Variants in MAPK10 observed in about 807,000 individuals in gnomAD.
MAPK10 encodes mitogen-activated protein kinase 10.
A neutral mutation model predicts 59.3 loss-of-function variants in MAPK10; 25 were observed. The ratio of observed to expected loss-of-function variants is 0.42; its 90% CI spans 0.31 to 0.59. The LOEUF (loss-of-function observed/expected upper bound fraction) is 0.59, where lower values mean the gene tolerates loss of function less well. Among genes scored for constraint, MAPK10 ranks in the 20% least tolerant of loss-of-function variants. MAPK10 has a pLI of 0.15. For missense variants in MAPK10, 351 were observed against 568.9 expected (o/e 0.62, Z 3.90); for synonymous variants, 190 against 200.5 (o/e 0.95, Z 0.44).
chr4:86,095,289 C>G (rs1001174824), intron 9 of MAPK10: 1 of 151,608 alleles, frequency 6.6e-6, no homozygotes, highest in East Asian at 1.9e-4. Flanking sequence ...AGTAGTTAAA[C>G]TTCAGTCATC....
intron 1 of MAPK10, among the ~76,000 whole-genome samples, chr4:86,581,196 G>A (rs905676889): frequency 6.6e-6 from 1 of 151,808 alleles, no homozygotes; most frequent in African/African-American, 2.4e-5. Context: ...GACAATCAGA[G>A]GGTTTTGCAC....
chr4:86,274,346 A>G (rs1213313629), intron 2 of MAPK10, among the ~76,000 whole-genome samples: 1 of 152,046 alleles, frequency 6.6e-6, no homozygotes, highest in Non-Finnish European at 1.5e-5. Context: ...TCAAAGTGAT[A>G]TAGACAAAGA....
intron 3 of MAPK10, among the ~76,000 whole-genome samples, chr4:86,181,408 GA>G (rs1353360193): frequency 4.6e-5 from 7 of 151,972 alleles, no homozygotes; most frequent in African/African-American, 1.7e-4. Context: ...TCAAAATCAG[GA>G]AATAATTTAA....
chr4:86,126,408 G>A (rs2060090129), intron 4 of MAPK10, among the ~76,000 whole-genome samples: 1 of 151,896 alleles, frequency 6.6e-6, no homozygotes, highest in African/African-American at 2.4e-5. Flanking sequence ...CCTCAAAGTT[G>A]TGCTACTTAA....
At chr4:86,223,512 C>T (rs1335860658) in intron 2 of MAPK10, among the ~76,000 whole-genome samples, 1 of 152,176 alleles carries the variant, frequency 6.6e-6, no homozygotes, top group African/African-American at 2.4e-5. Context: ...CTCCACATAC[C>T]CACTTGCACA....
intron 2 of MAPK10, among the ~76,000 whole-genome samples, chr4:86,231,393 T>C (rs7657056): frequency 0.33 from 49,501 of 152,014 alleles, 10,872 homozygotes; most frequent in African/African-American, 0.63. Context: ...CGGTGGCTCA[T>C]GCCTGTAATC....
intron 1 of MAPK10, among the ~76,000 whole-genome samples, chr4:86,584,499 A>C (rs778644085): frequency 1.3e-5 from 2 of 152,172 alleles, no homozygotes; most frequent in Non-Finnish European, 2.9e-5. Flanking sequence ...GCTGGAGTGC[A>C]GTGGCACCAT....
intron 2 of MAPK10, among the ~76,000 whole-genome samples, chr4:86,324,639 C>A (rs7349681): frequency 6.6e-6 from 1 of 151,918 alleles, no homozygotes; most frequent in Non-Finnish European, 1.5e-5. Flanking sequence ...TAAATTATTA[C>A]GTTAAAAAGA....
chr4:86,098,716 A>G lies in MAPK10; in HGVS notation c.731-121T>C. On this transcript the variant is annotated intron_variant, in intron 8 of 13. Transcript: ENST00000641462. ...ATTAAAAGTACAATTTTCACCTCCC[A>G]CCAAAAGTTGGCCAAAATGTGAATT... The G allele has an allele frequency of 4.8e-6, 4 of 840,578 alleles. No homozygotes were observed. In the South Asian group the frequency reaches 6.4e-5, roughly 13 times the overall value. The allele number at this position is 840,578 out of a possible 1,614,324, so 52.1% of individuals were successfully genotyped here.
rs372346730 is a variant in MAPK10 at position 86,023,327 on chromosome 4, A to C, written c.1252+5870T>G. Among the ~76,000 whole-genome samples, 9 of 152,274 alleles carry C rather than the reference A, an allele frequency of 5.9e-5. No individual in the cohort carries two copies. The East Asian group carries it at 1.7e-3, about 29-fold the overall frequency. On this transcript the variant is annotated intron_variant, in intron 13 of 13. Transcript: ENST00000641462. The stretch of plus-strand genomic sequence containing the variant: ...TTCATGCAAATAGCACTCTGTCTTG[A>C]ATATTGTAGCTTTGTAGTAAGTTTT...
chr4:86,374,308 T>C (rs1001936006), intron 1 of MAPK10, among the ~76,000 whole-genome samples: 1 of 152,134 alleles, frequency 6.6e-6, no homozygotes, highest in Non-Finnish European at 1.5e-5. Flanking sequence ...CTAATGTAGA[T>C]GATGGGTTGA....
intron 1 of MAPK10, among the ~76,000 whole-genome samples, chr4:86,486,030 T>C (rs1256414639): frequency 1.3e-5 from 2 of 152,184 alleles, no homozygotes; most frequent in East Asian, 1.9e-4. Flanking sequence ...CCAACTAATA[T>C]GGTAGGCCAT....
rs2048448874 is a variant in MAPK10 at position 86,073,305 on chromosome 4, T to G, written c.803-5350A>C. On this transcript the variant is annotated intron_variant, in intron 9 of 13. Coordinates refer to ENST00000641462, the MANE Select transcript of MAPK10 (RefSeq NM_138982.4). ...CTCTTTTTTTCTTTATTAGTCTTGC[T>G]AGCGGTCTATCAATTTTGTTGATCC... 2.0e-5 allele frequency among the ~76,000 whole-genome samples: 3 copies of G among 151,460 alleles called. No homozygotes were observed. The South Asian group carries it at 6.3e-4, about 32-fold the overall frequency.
intron 1 of MAPK10, among the ~76,000 whole-genome samples, chr4:86,545,393 G>A (rs1472101762): frequency 6.6e-6 from 1 of 152,176 alleles, no homozygotes; most frequent in Non-Finnish European, 1.5e-5. Context: ...TAGTGAGGAT[G>A]GGGGAAGCCT....
intron 2 of MAPK10, among the ~76,000 whole-genome samples, chr4:86,201,112 C>T (rs2082520503): frequency 6.6e-6 from 1 of 151,808 alleles, no homozygotes; most frequent in South Asian, 2.1e-4. Context: ...TCTTTTCATG[C>T]TTGGCTTATT....
chr4:86,182,898 C>T (rs1304936925), intron 3 of MAPK10, among the ~76,000 whole-genome samples: 2 of 151,990 alleles, frequency 1.3e-5, no homozygotes, highest in Non-Finnish European at 2.9e-5. Flanking sequence ...TAAGAAAGTT[C>T]ATGCTTCACT....
intron 2 of MAPK10, among the ~76,000 whole-genome samples, chr4:86,340,024 C>T (rs943182113): frequency 2.6e-5 from 4 of 152,118 alleles, no homozygotes; most frequent in African/African-American, 9.7e-5. Context: ...TAAAGCCTAC[C>T]AATCTACTCC....
At chr4:86,385,891 T>C (rs1427537984) in intron 1 of MAPK10, among the ~76,000 whole-genome samples, 3 of 152,192 alleles carry the variant, frequency 2.0e-5, no homozygotes, top group Non-Finnish European at 4.4e-5. Flanking sequence ...AGAAGGTGGT[T>C]AGACTATAGC....
chr4:86,589,164 T>A (rs949888648), intron 1 of MAPK10, among the ~76,000 whole-genome samples: 1 of 151,644 alleles, frequency 6.6e-6, no homozygotes, highest in Non-Finnish European at 1.5e-5. Flanking sequence ...GAAAAAAAAA[T>A]GGCTTTTAAG....
Sources: allele counts gnomAD v4.1 joint callset (sites outside exome capture counted in the v4.1 genomes callset), GRCh38; gene constraint gnomAD v4.1.1; transcripts MANE v1.5; gene names NCBI Gene and HGNC (gene_info 2026-07-23, HGNC 2026-07-21).